The following ZNF337 variants were observed in gnomAD, a reference collection of about 807,000 sequenced individuals.
ZNF337 encodes zinc finger protein 337.
Under a neutral mutation model 12.1 loss-of-function variants are expected in ZNF337, and 8 were observed. The ratio of observed to expected loss-of-function variants is 0.66; its 90% CI spans 0.39 to 1.19. The LOEUF (loss-of-function observed/expected upper bound fraction) is 1.19. Ranked by LOEUF, ZNF337 falls within the 50% of genes most tolerant of loss-of-function variation. The pLI is 0.01. For missense variants in ZNF337, 882 were observed against 896.6 expected (o/e 0.98, Z 0.21); for synonymous variants, 336 against 320.0 (o/e 1.05, Z -0.53).
Position 25,676,131 on chromosome 20 carries a change from CT to C in ZNF337, c.1156del (p.Ser386AlafsTer2). On this transcript the variant is annotated frameshift_variant, in exon 5 of 5. Coordinates refer to ENST00000252979, the MANE Select transcript of ZNF337 (RefSeq NM_015655.4). LOFTEE classifies it low-confidence loss of function (END_TRUNC). ...GTGTCTGAGGAGACTTCCTTTCACG[CT>C]AAAACTTTGCTTACACTGCCTGCAC... Reference protein sequence around the residue: ...FACRQCKQSFSVKGSLLRHQR... With the variant: ...FACRQCKQSFXVKGSLLRHQR... The C allele has an allele frequency of 6.2e-7, 1 of 1,612,190 alleles. No individual in the cohort carries two copies. Among genetic ancestry groups the C allele is most frequent in the South Asian group, 1.1e-5 (1 of 90,936 alleles).
chr20:25,694,577 T>TG (rs889464187), intron 1 of ZNF337, among the ~76,000 whole-genome samples: 2 of 152,268 alleles, frequency 1.3e-5, no homozygotes, highest in African/African-American at 4.8e-5. Context: ...CTGGGCCCAA[T>TG]GGTTGCTGTT....
chr20:25,685,058 T>C (rs1020264992), intron 4 of ZNF337, among the ~76,000 whole-genome samples: 7 of 150,468 alleles, frequency 4.7e-5, no homozygotes, highest in African/African-American at 1.7e-4. Flanking sequence ...CAAACCAACA[T>C]GGCACATGTA....
At chr20:25,677,307 C>G (rs2065712102) in intron 4 of ZNF337, 1 of 340,408 alleles carries the variant, frequency 2.9e-6, no homozygotes, top group African/African-American at 2.1e-5. Context: ...CCTGATGATG[C>G]TAAATGGAAA....
chr20:25,685,929 C>T (rs2065827309), intron 3 of ZNF337, 67 bp downstream of exon 3: 2 of 1,559,082 alleles, frequency 1.3e-6, no homozygotes, highest in Non-Finnish European at 1.7e-6. Flanking sequence ...TGTCTCTGAA[C>T]CTAACCCTAT....
At position 25,675,200 on chromosome 20, in the gene ZNF337, A is replaced by C. The variant is rs1359582555; in HGVS notation, c.2088T>G (p.Ser696Arg). The change falls in exon 5 of 5, where the codon AGT becomes AGG. Residue 696 changes from serine to arginine, a missense_variant. Physicochemically the swap from Ser to Arg is moderately radical, Grantham distance 110. Coordinates refer to ENST00000252979, the MANE Select transcript of ZNF337 (RefSeq NM_015655.4). The part of the protein sequence containing the change: ...VCQECKRGYT[S>R]KSDLTVHERI... The stretch of plus-strand genomic sequence containing the variant: ...TTTCATGCACAGTGAGGTCTGACTT[A>C]CTGGTATAGCCTCGCTTACACTCCT... 1 of 1,614,124 alleles carries C rather than the reference A, an allele frequency of 6.2e-7. No homozygotes were observed. Among genetic ancestry groups the C allele is most frequent in the Non-Finnish European group, 8.5e-7 (1 of 1,180,048 alleles).
In ZNF337 at chr20:25,676,185, C is replaced by T; in HGVS notation, c.1103G>A (p.Arg368Lys). The T allele has an allele frequency of 6.2e-6, 10 of 1,614,044 alleles. No individual in the cohort carries two copies. The highest frequency in any genetic ancestry group is 8.5e-6 in the Non-Finnish European group (10 of 1,179,994). Reference protein sequence around the residue: ...SNKSHLITHQRTHSGEKPFAC... With the variant: ...SNKSHLITHQKTHSGEKPFAC... Reference sequence around the variant, plus strand: ...AAAGGGCTTCTCCCCTGAGTGTGTCCTCTGGTGTGTGATAAGGTGTGACTT... The same window carrying T: ...AAAGGGCTTCTCCCCTGAGTGTGTCTTCTGGTGTGTGATAAGGTGTGACTT... Residue 368 changes from arginine (R) to lysine (K), a missense_variant, in exon 5 of 5, where the codon AGG (arginine) becomes AAG (lysine). By Grantham distance (26) the Arg-to-Lys change is conservative (BLOSUM62 2). Coordinates refer to ENST00000252979, the MANE Select transcript of ZNF337 (RefSeq NM_015655.4).
At position 25,675,548 on chromosome 20, in the gene ZNF337, G is replaced by A; in HGVS notation, c.1740C>T (p.Gly580=). ...AGAGGAGAGTTGATTTTAGGATGAA[G>A]CCTCGCCCGCAATCCTTGCAATTAA... ...RPFNCKDCGR[G]FILKSTLLFH... The change falls in exon 5 of 5, where the codon GGC becomes GGT. Residue 580 remains glycine (G), a synonymous_variant. Transcript: ENST00000252979. 6.2e-7 allele frequency: 1 copy of A among 1,613,842 alleles called. No individual in the cohort carries two copies. Among genetic ancestry groups the A allele is most frequent in the Admixed American group, 1.7e-5 (1 of 60,002 alleles).
At chr20:25,690,014 A>C (rs2065871202) in intron 1 of ZNF337, among the ~76,000 whole-genome samples, 1 of 152,236 alleles carries the variant, frequency 6.6e-6, no homozygotes, top group South Asian at 2.1e-4. Flanking sequence ...GGCTGGGCAC[A>C]GTGGCTTATT....
intron 1 of ZNF337, among the ~76,000 whole-genome samples, chr20:25,689,410 T>C (rs1009236833): frequency 6.6e-6 from 1 of 152,222 alleles, no homozygotes; most frequent in African/African-American, 2.4e-5. Context: ...ATCATCCTTT[T>C]CATGTATTGC....
chr20:25,679,874 A>G lies in ZNF337; in HGVS notation c.251-2837T>C, dbSNP rs1486755808. Among the ~76,000 whole-genome samples, 3 of 152,138 alleles carry G rather than the reference A, an allele frequency of 2.0e-5. 1 individual carries two copies. The highest frequency in any genetic ancestry group is 4.4e-5 in the Non-Finnish European group (3 of 68,008). On this transcript the variant is annotated intron_variant, in intron 4 of 4. Coordinates refer to ENST00000252979, the MANE Select transcript of ZNF337 (RefSeq NM_015655.4). ...TACCCCCATGTTAACATTATTCACA[A>G]TAGTCTAGATATGGAATTAACCTAA... is the stretch of plus-strand genomic sequence containing the variant.
At chr20:25,679,812 C>T (rs752730570) in intron 4 of ZNF337, among the ~76,000 whole-genome samples, 1 of 151,878 alleles carries the variant, frequency 6.6e-6, no homozygotes, top group Non-Finnish European at 1.5e-5. Context: ...CATATTTATC[C>T]AAAGAAAAGG....
chr20:25,678,366 C>A (rs535767386), intron 4 of ZNF337, among the ~76,000 whole-genome samples: 1 of 152,144 alleles, frequency 6.6e-6, no homozygotes, highest in South Asian at 2.1e-4. Flanking sequence ...AATAAATAGA[C>A]GAGGACACAA....
chr20:25,676,506 TCTC>T lies in ZNF337; in HGVS notation c.779_781del (p.Gly260del), dbSNP rs2065694412. ...ACACACCTTGCACAGAAAAGGCTTC[TCTC>T]CTGAGTGTGTCCTCTGGTGTCTGAG... On this transcript the variant is annotated inframe_deletion, in exon 5 of 5. Transcript: ENST00000252979. 6.2e-7 allele frequency: 1 copy of T among 1,614,122 alleles called. No individual in the cohort carries two copies.
rs78932147 is a variant in ZNF337 at position 25,696,718 on chromosome 20, A to T, written c.-50+41T>A. On this transcript the variant is annotated intron_variant, in intron 1 of 4. Coordinates refer to ENST00000252979, the MANE Select transcript of ZNF337 (RefSeq NM_015655.4). ...TCCCGGCCCTTCTTCCTGCGCCGGAAGGGCGCGCTGCAGAGAGGGACCCGC... is the reference window on the plus strand; with the variant it reads ...TCCCGGCCCTTCTTCCTGCGCCGGATGGGCGCGCTGCAGAGAGGGACCCGC... 688 of 984,528 alleles carry T rather than the reference A, an allele frequency of 7.0e-4. 8 individuals are homozygous for T. The African/African-American group carries it at 9.9e-3, about 14-fold the overall frequency. The allele number at this position is 984,528 out of a possible 1,614,324, so 61.0% of individuals were successfully genotyped here.
intron 4 of ZNF337, among the ~76,000 whole-genome samples, chr20:25,679,087 A>G (rs1364345202): frequency 6.6e-6 from 1 of 152,248 alleles, no homozygotes; most frequent in African/African-American, 2.4e-5. Context: ...TCTTCAATAA[A>G]TGGTATTAGA....
At chr20:25,692,190 G>A (rs1021743640) in intron 1 of ZNF337, among the ~76,000 whole-genome samples, 3 of 152,194 alleles carry the variant, frequency 2.0e-5, no homozygotes, top group African/African-American at 7.2e-5. Flanking sequence ...CTTCTCTCAT[G>A]CTTCCCATCT....
chr20:25,682,542 T>C (rs1400788234), intron 4 of ZNF337, among the ~76,000 whole-genome samples: 1 of 152,010 alleles, frequency 6.6e-6, no homozygotes, highest in Non-Finnish European at 1.5e-5. Context: ...ACAAAAATCT[T>C]TATATATTGG....
At chr20:25,690,238 G>T (rs779178922) in intron 1 of ZNF337, among the ~76,000 whole-genome samples, 2 of 152,186 alleles carry the variant, frequency 1.3e-5, no homozygotes, top group Non-Finnish European at 2.9e-5. Flanking sequence ...CTCCACTCCA[G>T]CTTGGGCAAC....
chr20:25,688,408 T>G (rs1455697951), intron 1 of ZNF337, among the ~76,000 whole-genome samples: 1 of 152,240 alleles, frequency 6.6e-6, no homozygotes, highest in South Asian at 2.1e-4. Context: ...CGTTTATGCC[T>G]TTTATTCCTT....
Sources: gnomAD v4.1 joint callset for allele counts (sites outside exome capture counted in the v4.1 genomes callset) on GRCh38, gnomAD v4.1.1 for gene constraint, MANE v1.5 for transcripts, NCBI Gene and HGNC (gene_info 2026-07-23, HGNC 2026-07-21) for gene names.